ZFAND3: variants seen among roughly 807,000 people sequenced by gnomAD.
ZFAND3 encodes the protein zinc finger AN1-type containing 3, also known as AN1-type zinc finger protein 3.
ZFAND3 carries 10 observed loss-of-function variants against 29.6 expected under a neutral mutation model. The observed-to-expected ratio is 0.34, with a 90% CI of 0.21 to 0.57. The LOEUF is 0.57. Ranked by LOEUF, ZFAND3 falls within the 20% of genes least tolerant of loss-of-function variation. ZFAND3 has a pLI of 0.86. For missense variants in ZFAND3, 230 were observed against 304.5 expected (o/e 0.76, Z 1.82); for synonymous variants, 128 against 112.6 (o/e 1.14, Z -0.87).
At chr6:37,925,579 C>T (rs1044465889) in intron 1 of ZFAND3, among the ~76,000 whole-genome samples, 1 of 152,018 alleles carries the variant, frequency 6.6e-6, no homozygotes, top group Non-Finnish European at 1.5e-5. Context: ...TGGCGGGCGC[C>T]TGTAATCCCA....
rs567446740 is a variant in ZFAND3, at chr6:38,082,820, T to C, written c.361+363T>C. On this transcript the variant is annotated intron_variant, in intron 4 of 5. Coordinates refer to ENST00000287218, the MANE Select transcript of ZFAND3 (RefSeq NM_021943.3). ...TAATAGTTTTAATGTAGAAAATCAG[T>C]GTTTTAAATTGACTATTGTAGTATC... 3.3e-5 allele frequency among the ~76,000 whole-genome samples: 5 copies of C among 152,312 alleles called. 1 individual carries two copies. In the South Asian group the frequency reaches 1.0e-3, roughly 32 times the overall value.
chr6:38,057,166 A>G (rs112263972), intron 2 of ZFAND3, among the ~76,000 whole-genome samples: 66 of 152,332 alleles, frequency 4.3e-4, no homozygotes, highest in African/African-American at 1.5e-3. Flanking sequence ...CTGTGTCTGA[A>G]TCAGATGCAG....
chr6:37,858,720 G>A (rs539072666), intron 1 of ZFAND3, among the ~76,000 whole-genome samples: 7 of 152,310 alleles, frequency 4.6e-5, no homozygotes, highest in African/African-American at 1.7e-4. Context: ...AGTGAAACCT[G>A]TTAAACAAGG....
intron 4 of ZFAND3, among the ~76,000 whole-genome samples, chr6:38,093,758 C>G (rs1199079964): frequency 6.6e-6 from 1 of 151,992 alleles, no homozygotes; most frequent in East Asian, 1.9e-4. Context: ...GCCTTGATAA[C>G]AAGGAAATAA....
At chr6:38,144,433 C>T (rs1338008180) in intron 5 of ZFAND3, among the ~76,000 whole-genome samples, 1 of 151,906 alleles carries the variant, frequency 6.6e-6, no homozygotes, top group Non-Finnish European at 1.5e-5. Context: ...AGCTCATGTG[C>T]ATCCACAGGA....
intron 2 of ZFAND3, among the ~76,000 whole-genome samples, chr6:38,009,001 G>C (rs974280131): frequency 6.6e-6 from 1 of 152,052 alleles, no homozygotes; most frequent in African/African-American, 2.4e-5. Flanking sequence ...ATGTTGTTCC[G>C]ACCAGCTATT....
At chr6:38,049,961 T>TTTTTTTATTTTTTA (rs1763991804) in intron 2 of ZFAND3, among the ~76,000 whole-genome samples, 1 of 25,000 alleles carries the variant, frequency 4.0e-5, no homozygotes, top group Non-Finnish European at 8.0e-5. Context: ...TTTTTTTTTT[T>TTTTTTTATTTTTTA]TTTTTTTGGG....
chr6:38,100,890 G>A (rs1213702511), intron 4 of ZFAND3, among the ~76,000 whole-genome samples: 2 of 152,138 alleles, frequency 1.3e-5, no homozygotes, highest in African/African-American at 2.4e-5. Context: ...GTATGCATGT[G>A]TATTATATCC....
chr6:38,082,505 C>T (rs1764683149), intron 4 of ZFAND3, 48 bp downstream of exon 4: 1 of 1,562,986 alleles, frequency 6.4e-7, no homozygotes, highest in Non-Finnish European at 8.8e-7. Flanking sequence ...GAATTCTTCA[C>T]AGAAGTTAGC....
At chr6:38,144,171 GATATATATATATAAT>G (rs1230124201) in intron 5 of ZFAND3, among the ~76,000 whole-genome samples, 32,644 of 86,834 alleles carry the variant, frequency 0.38, 5,696 homozygotes, top group Non-Finnish European at 0.46. Context: ...AGAAAAATGT[GATATATATATATAAT>G]ATATATATAT....
intron 1 of ZFAND3, among the ~76,000 whole-genome samples, chr6:37,839,735 G>C (rs1349022471): frequency 1.3e-5 from 2 of 150,538 alleles, no homozygotes; most frequent in Admixed American, 1.3e-4. Context: ...GGATGACCTC[G>C]ATCTCTTGAC....
At chr6:37,908,518 T>TAC (rs1554156586) in intron 1 of ZFAND3, among the ~76,000 whole-genome samples, 2 of 102,632 alleles carry the variant, frequency 1.9e-5, no homozygotes, top group African/African-American at 6.7e-5. Context: ...CCCTAAAACT[T>TAC]AAAGTATAAT....
At position 38,082,438 on chromosome 6, in the gene ZFAND3, A is replaced by C. The variant is rs1008843255; in HGVS notation, c.342A>C (p.Thr114=). The stretch of plus-strand genomic sequence containing the variant: ...CTCATGTCTCATTAATCACACCAAC[A>C]AAAAGATCCTGTGGTACAGGTATGT... ...DTAHVSLITP[T]KRSCGTDSQS... Residue 114 remains threonine, a synonymous_variant, in exon 4 of 6, where the codon ACA becomes ACC. Transcript: ENST00000287218. 6 of 1,611,962 alleles carry C rather than the reference A, an allele frequency of 3.7e-6. No homozygotes were observed. The highest frequency in any genetic ancestry group is 5.1e-6 in the Non-Finnish European group (6 of 1,178,800).
At chr6:38,117,628 CTTTG>C (rs1765447318) in intron 5 of ZFAND3, among the ~76,000 whole-genome samples, 2 of 152,228 alleles carry the variant, frequency 1.3e-5, no homozygotes, top group Admixed American at 1.3e-4. Flanking sequence ...ATCAGGTTGA[CTTTG>C]AGACCTGTCT....
chr6:37,889,409 A>C (rs1049222748), intron 1 of ZFAND3, among the ~76,000 whole-genome samples: 1 of 152,178 alleles, frequency 6.6e-6, no homozygotes, highest in Non-Finnish European at 1.5e-5. Flanking sequence ...GCTTAGACCA[A>C]TTTTGATTTC....
chr6:38,041,573 G>C (rs1044992290), intron 2 of ZFAND3, among the ~76,000 whole-genome samples: 1 of 149,478 alleles, frequency 6.7e-6, no homozygotes, highest in African/African-American at 2.5e-5. Context: ...TTGGCTCCTG[G>C]GCATCCCTTC....
chr6:38,131,133 T>A (rs1765733940), intron 5 of ZFAND3, among the ~76,000 whole-genome samples: 1 of 152,204 alleles, frequency 6.6e-6, no homozygotes, highest in African/African-American at 2.4e-5. Flanking sequence ...TCCTCTGTAT[T>A]TCTGTGTTGT....
At chr6:38,058,987 A>G (rs764699722) in intron 2 of ZFAND3, among the ~76,000 whole-genome samples, 1 of 152,190 alleles carries the variant, frequency 6.6e-6, no homozygotes, top group Admixed American at 6.5e-5. Flanking sequence ...TGATAGCAAC[A>G]CTTCCCTCTG....
chr6:38,015,642 A>G (rs1006768379), intron 2 of ZFAND3, among the ~76,000 whole-genome samples: 1 of 152,252 alleles, frequency 6.6e-6, no homozygotes, highest in Non-Finnish European at 1.5e-5. Flanking sequence ...ACATGGTTGA[A>G]TTAAAAAACA....
Sources: allele counts gnomAD v4.1 joint callset (sites outside exome capture counted in the v4.1 genomes callset), GRCh38; gene constraint gnomAD v4.1.1; transcripts MANE v1.5; gene names NCBI Gene and HGNC (gene_info 2026-07-23, HGNC 2026-07-21).